The following FBXL7 variants were observed in gnomAD, a reference collection of about 807,000 sequenced individuals.
FBXL7 encodes the protein F-box/LRR-repeat protein 7.
A neutral mutation model predicts 38.3 loss-of-function variants in FBXL7; 12 were observed. The ratio of observed to expected loss-of-function variants is 0.31; its 90% CI spans 0.20 to 0.51. The LOEUF is 0.51. Ranked by LOEUF, FBXL7 falls within the 20% of genes least tolerant of loss-of-function variation. The pLI, the probability that FBXL7 is intolerant of heterozygous loss-of-function variation, is 0.98. For synonymous variants in FBXL7, 297 were observed against 300.9 expected (o/e 0.99, Z 0.13); for missense variants, 567 against 676.4 (o/e 0.84, Z 1.79).
At position 15,809,218 on chromosome 5, in the gene FBXL7, C is replaced by T. The variant is rs530276360; in HGVS notation, c.128-118672C>T. Among the ~76,000 whole-genome samples, 5 of 152,186 alleles carry T rather than the reference C, an allele frequency of 3.3e-5. No homozygotes were observed. The East Asian group carries it at 9.6e-4, about 29-fold the overall frequency. On this transcript the variant is annotated intron_variant, in intron 2 of 3. Transcript: ENST00000504595. ...TGTGCCTATTTTTTGGATACCTTAC[C>T]CAGATGGTTATTTGAACGTTGAACT...
intron 1 of FBXL7, among the ~76,000 whole-genome samples, chr5:15,541,271 T>G (rs945489300): frequency 9.3e-5 from 14 of 151,286 alleles, no homozygotes; most frequent in African/African-American, 3.4e-4. Context: ...TTATTTTTTC[T>G]CCTCATTTTG....
intron 2 of FBXL7, among the ~76,000 whole-genome samples, chr5:15,659,640 T>C (rs1187828618): frequency 6.6e-6 from 1 of 152,132 alleles, no homozygotes; most frequent in African/African-American, 2.4e-5. Context: ...ATAGAAAACA[T>C]CTGGAAACAA....
At chr5:15,855,931 A>G (rs1057169951) in intron 2 of FBXL7, among the ~76,000 whole-genome samples, 1 of 152,234 alleles carries the variant, frequency 6.6e-6, no homozygotes, top group Non-Finnish European at 1.5e-5. Flanking sequence ...TCCAAAGTCT[A>G]TGATTGTTCT....
At chr5:15,514,257 A>G (rs966461562) in intron 1 of FBXL7, among the ~76,000 whole-genome samples, 1 of 152,196 alleles carries the variant, frequency 6.6e-6, no homozygotes, top group African/African-American at 2.4e-5. Context: ...GCTGCCTGCA[A>G]ATTTAATTTA....
intron 2 of FBXL7, among the ~76,000 whole-genome samples, chr5:15,926,098 A>T (rs1741870391): frequency 6.6e-6 from 1 of 152,092 alleles, no homozygotes; most frequent in Non-Finnish European, 1.5e-5. Flanking sequence ...TCAACCTGGG[A>T]TATGTTAAAT....
intron 2 of FBXL7, among the ~76,000 whole-genome samples, chr5:15,690,255 A>G (rs1041992039): frequency 1.3e-5 from 2 of 152,194 alleles, no homozygotes; most frequent in African/African-American, 4.8e-5. Flanking sequence ...TATAACCAAA[A>G]CCCAATTCAA....
chr5:15,661,292 G>A (rs1742059617), intron 2 of FBXL7, among the ~76,000 whole-genome samples: 1 of 152,026 alleles, frequency 6.6e-6, no homozygotes, highest in East Asian at 1.9e-4. Context: ...AGTTCTAATA[G>A]GTTTTTTTGT....
At chr5:15,679,631 C>G (rs1742782696) in intron 2 of FBXL7, among the ~76,000 whole-genome samples, 1 of 146,110 alleles carries the variant, frequency 6.8e-6, no homozygotes, top group Non-Finnish European at 1.5e-5. Flanking sequence ...TATTTGTTGA[C>G]TAAAGTTGTG....
At chr5:15,630,750 G>A (rs1159422046) in intron 2 of FBXL7, among the ~76,000 whole-genome samples, 3 of 152,020 alleles carry the variant, frequency 2.0e-5, no homozygotes, top group African/African-American at 4.8e-5. Flanking sequence ...ATTTACAAAG[G>A]TCTAAAATCT....
chr5:15,817,170 C>A (rs572329627), intron 2 of FBXL7, among the ~76,000 whole-genome samples: 29 of 152,266 alleles, frequency 1.9e-4, no homozygotes, highest in Admixed American at 9.8e-4. Flanking sequence ...ACTTTGAAAA[C>A]ATAGTGAGAG....
chr5:15,569,004 A>G (rs1347523477), intron 1 of FBXL7, among the ~76,000 whole-genome samples: 1 of 152,164 alleles, frequency 6.6e-6, no homozygotes, highest in East Asian at 1.9e-4. Flanking sequence ...CTTGTAGTAT[A>G]GTTTGAAGTC....
chr5:15,892,252 G>T (rs1740933824), intron 2 of FBXL7, among the ~76,000 whole-genome samples: 1 of 152,228 alleles, frequency 6.6e-6, no homozygotes, highest in Non-Finnish European at 1.5e-5. Flanking sequence ...CAGCAAGGGG[G>T]TCCCTGTGAG....
At chr5:15,553,960 C>G (rs894588340) in intron 1 of FBXL7, among the ~76,000 whole-genome samples, 1 of 150,666 alleles carries the variant, frequency 6.6e-6, no homozygotes, top group Non-Finnish European at 1.5e-5. Flanking sequence ...GTTGAAATGG[C>G]CTTAAAGCCC....
In FBXL7 at chr5:15,929,890, AG is replaced by A. The variant is rs527636845; in HGVS notation, c.739+1390del. On this transcript the variant is annotated intron_variant, in intron 3 of 3. Transcript: ENST00000504595. ...CTCAGGGAGTTTGGGGGAGGGGTCAAGAAGTAAAAAACACTATGGTGGGTGA... is the reference window on the plus strand; with the variant it reads ...CTCAGGGAGTTTGGGGGAGGGGTCAAAAGTAAAAAACACTATGGTGGGTGA... Among the ~76,000 whole-genome samples the A allele has an allele frequency of 3.7e-4, 57 of 152,284 alleles. 1 individual carries two copies. The highest frequency in any genetic ancestry group is 1.3e-3 in the African/African-American group (53 of 41,572).
At chr5:15,744,810 C>T (rs184906166) in intron 2 of FBXL7, among the ~76,000 whole-genome samples, 1 of 152,084 alleles carries the variant, frequency 6.6e-6, no homozygotes, top group South Asian at 2.1e-4. Context: ...AGGAAACTTA[C>T]AATCATGTCA....
At chr5:15,814,377 T>C (rs1181289132) in intron 2 of FBXL7, among the ~76,000 whole-genome samples, 1 of 152,024 alleles carries the variant, frequency 6.6e-6, no homozygotes, top group Admixed American at 6.6e-5. Context: ...AGTCGAACAA[T>C]GAGAACACAT....
At chr5:15,788,439 G>T (rs1737187740) in intron 2 of FBXL7, among the ~76,000 whole-genome samples, 2 of 152,108 alleles carry the variant, frequency 1.3e-5, no homozygotes, top group Admixed American at 1.3e-4. Context: ...ACATGGGAGA[G>T]AAAACAACGG....
In FBXL7 at chr5:15,936,387, TC is replaced by T; in HGVS notation, c.740-59del. Reference sequence around the variant, plus strand: ...CGAGGGTCAGGAATGCCCCAGGGCATCCCCAGGCGTGGCTCCCCTGCTGGCA... The same window carrying T: ...CGAGGGTCAGGAATGCCCCAGGGCATCCCAGGCGTGGCTCCCCTGCTGGCA... On this transcript the variant is annotated intron_variant, in intron 3 of 3. Coordinates refer to ENST00000504595, the MANE Select transcript of FBXL7 (RefSeq NM_012304.5). The surrounding 1 kb of genome is among the most constrained non-coding windows in gnomAD (Gnocchi z 6.0). 6.4e-7 allele frequency: 1 copy of T among 1,555,876 alleles called. No individual in the cohort carries two copies. The highest frequency in any genetic ancestry group is 8.7e-7 in the Non-Finnish European group (1 of 1,150,878).
chr5:15,651,088 C>CTTTTTTTTTTTTTTTT (rs547135923), intron 2 of FBXL7, among the ~76,000 whole-genome samples: 1 of 142,144 alleles, frequency 7.0e-6, no homozygotes. Context: ...AAACATACTT[C>CTTTTTTTTTTTTTTTT]TTTTTTTTTT....
Sources: allele counts gnomAD v4.1 joint callset (sites outside exome capture counted in the v4.1 genomes callset), GRCh38; gene constraint gnomAD v4.1.1; non-coding constraint Gnocchi (gnomAD v3.1); transcripts MANE v1.5; gene names NCBI Gene and HGNC (gene_info 2026-07-23, HGNC 2026-07-21).